VAV3: variants seen among roughly 807,000 people sequenced by gnomAD.
VAV3 encodes vav guanine nucleotide exchange factor 3, also known as guanine nucleotide exchange factor VAV3.
A neutral mutation model predicts 131.2 loss-of-function variants in VAV3; 94 were observed. The ratio of observed to expected loss-of-function variants is 0.72; its 90% confidence interval spans 0.61 to 0.85. The LOEUF is 0.85. Among genes scored for constraint, VAV3 ranks in the 40% least tolerant of loss-of-function variants. VAV3 has a pLI of 0.00. For missense variants in VAV3, 939 were observed against 1,002.7 expected, an observed-to-expected ratio of 0.94 and a Z score of 0.86; for synonymous variants, 349 against 342.0, an observed-to-expected ratio of 1.02 and a Z score of -0.22.
At chr1:107,823,880 T>C (rs1410187267) in intron 2 of VAV3, among the ~76,000 whole-genome samples, 1 of 152,186 alleles carries the variant, frequency 6.6e-6, no homozygotes, top group Non-Finnish European at 1.5e-5. Context: ...GGTGGCTATC[T>C]GCAAGCCAGG....
chr1:107,877,661 C>T (rs541327187), intron 1 of VAV3, among the ~76,000 whole-genome samples: 1 of 152,184 alleles, frequency 6.6e-6, no homozygotes, highest in Non-Finnish European at 1.5e-5. Flanking sequence ...CTTATATACT[C>T]TCACTTTTCC....
chr1:107,717,475 C>G (rs1331044539), intron 15 of VAV3, among the ~76,000 whole-genome samples: 1 of 152,182 alleles, frequency 6.6e-6, no homozygotes, highest in Non-Finnish European at 1.5e-5. Flanking sequence ...ATCTTTATTT[C>G]TGCCTTCAGT....
intron 1 of VAV3, among the ~76,000 whole-genome samples, chr1:107,955,044 G>C (rs1363695193): frequency 6.6e-6 from 1 of 152,154 alleles, no homozygotes; most frequent in Non-Finnish European, 1.5e-5. Context: ...CAGAAGCAGT[G>C]ATAATCATTA....
intron 4 of VAV3, among the ~76,000 whole-genome samples, chr1:107,774,913 C>CTTTTT (rs375088872): frequency 4.3e-4 from 56 of 130,692 alleles, no homozygotes; most frequent in African/African-American, 9.8e-4. Context: ...AATACATTTG[C>CTTTTT]TTTTTTTTTT....
intron 2 of VAV3, among the ~76,000 whole-genome samples, chr1:107,872,267 G>A (rs1449128934): frequency 6.6e-6 from 1 of 152,094 alleles, no homozygotes; most frequent in Non-Finnish European, 1.5e-5. Context: ...ATCAAATGAA[G>A]TCAGTAATAT....
chr1:107,932,924 T>C (rs1014734484), intron 1 of VAV3, among the ~76,000 whole-genome samples: 9 of 152,222 alleles, frequency 5.9e-5, no homozygotes, highest in Non-Finnish European at 8.8e-5. Flanking sequence ...GTGAAACTGA[T>C]TTTGAACCTT....
chr1:107,579,436 C>G (rs377751417), intron 25 of VAV3, among the ~76,000 whole-genome samples: 189 of 152,276 alleles, frequency 1.2e-3, no homozygotes, highest in African/African-American at 4.0e-3. Context: ...ATGTTTCCCC[C>G]CTGCAAGAAC....
chr1:107,573,965 C>T, intron 26 of VAV3, 82 bp downstream of exon 26: 1 of 1,560,718 alleles, frequency 6.4e-7, no homozygotes, highest in Non-Finnish European at 8.7e-7. Context: ...ATAGAGGCTT[C>T]TCCCTGGTGC....
intron 15 of VAV3, among the ~76,000 whole-genome samples, chr1:107,739,786 G>T (rs563316268): frequency 2.6e-5 from 4 of 152,308 alleles, no homozygotes; most frequent in African/African-American, 9.6e-5. Context: ...TGCCAAAGCA[G>T]GTGACAAAAT....
At chr1:107,906,304 C>T (rs1672101834) in intron 1 of VAV3, among the ~76,000 whole-genome samples, 1 of 152,032 alleles carries the variant, frequency 6.6e-6, no homozygotes, top group Non-Finnish European at 1.5e-5. Flanking sequence ...ATTCTGTCAC[C>T]CAGGCTGAAA....
At chr1:107,842,409 C>T (rs1284379622) in intron 2 of VAV3, among the ~76,000 whole-genome samples, 1 of 152,170 alleles carries the variant, frequency 6.6e-6, no homozygotes, top group Admixed American at 6.5e-5. Flanking sequence ...ATTTTTAGTA[C>T]CTCTGAATCA....
chr1:107,648,018 T>C (rs1655867115), intron 19 of VAV3, among the ~76,000 whole-genome samples: 1 of 151,986 alleles, frequency 6.6e-6, no homozygotes, highest in Non-Finnish European at 1.5e-5. Flanking sequence ...AACCACGGCA[T>C]AGAATTTTGG....
At chr1:107,945,599 G>A (rs545969761) in intron 1 of VAV3, among the ~76,000 whole-genome samples, 148 of 152,004 alleles carry the variant, frequency 9.7e-4, no homozygotes, top group African/African-American at 3.4e-3. Flanking sequence ...TGAGACGAGC[G>A]GACTATCTGA....
At chr1:107,832,395 C>A (rs1035423882) in intron 2 of VAV3, among the ~76,000 whole-genome samples, 2 of 152,180 alleles carry the variant, frequency 1.3e-5, no homozygotes, top group African/African-American at 4.8e-5. Context: ...ACAGGAAGAA[C>A]CTTCGAAAAT....
At chr1:107,886,879 G>A (rs575254034) in intron 1 of VAV3, among the ~76,000 whole-genome samples, 64 of 151,760 alleles carry the variant, frequency 4.2e-4, no homozygotes, top group African/African-American at 1.5e-3. Context: ...TTTGCCATGG[G>A]AAAGAAAAAC....
intron 25 of VAV3, among the ~76,000 whole-genome samples, chr1:107,576,204 C>T (rs1347063849): frequency 2.0e-5 from 3 of 151,806 alleles, no homozygotes; most frequent in East Asian, 1.9e-4. Context: ...CACACAAACA[C>T]CAGAGGAGTG....
chr1:107,870,452 T>C (rs900311244), intron 2 of VAV3, among the ~76,000 whole-genome samples: 5 of 152,326 alleles, frequency 3.3e-5, no homozygotes, highest in South Asian at 4.1e-4. Context: ...GAATTGTCTA[T>C]TCATGTCCTT....
At chr1:107,675,829 C>A (rs1410235575) in intron 19 of VAV3, among the ~76,000 whole-genome samples, 1 of 152,206 alleles carries the variant, frequency 6.6e-6, no homozygotes, top group East Asian at 1.9e-4. Context: ...GGTACCATGA[C>A]AGGGCTACAA....
chr1:107,681,626 A>G (rs1462500807), intron 19 of VAV3, among the ~76,000 whole-genome samples: 2 of 151,450 alleles, frequency 1.3e-5, no homozygotes, highest in East Asian at 1.9e-4. Context: ...AAATACACTC[A>G]TATACATTTA....
Sources: allele counts gnomAD v4.1 joint callset (sites outside exome capture counted in the v4.1 genomes callset), GRCh38; gene constraint gnomAD v4.1.1; transcripts MANE v1.5; gene names NCBI Gene and HGNC (gene_info 2026-07-23, HGNC 2026-07-21).